CTNNA2: variants seen among roughly 807,000 people sequenced by gnomAD.
The protein encoded by CTNNA2 is catenin alpha-2.
In CTNNA2, 42 loss-of-function variants were observed where a neutral mutation model predicts 101.0. The ratio of observed to expected loss-of-function variants is 0.42; its 90% CI spans 0.32 to 0.54. CTNNA2 has a LOEUF of 0.54. CTNNA2 is among the 20% of genes least tolerant of loss of function. The probability of loss-of-function intolerance (pLI) is 0.14; values close to 1 mark genes in which losing one functional copy is unlikely to be tolerated. For synonymous variants in CTNNA2, 450 were observed against 456.4 expected (o/e 0.99, Z 0.18); for missense variants, 871 against 1,223.1 (o/e 0.71, Z 4.29).
intron 7 of CTNNA2, among the ~76,000 whole-genome samples, chr2:80,081,573 G>C (rs1432472467): frequency 7.3e-6 from 1 of 137,730 alleles, no homozygotes; most frequent in South Asian, 2.4e-4. Flanking sequence ...ATGAACTTCA[G>C]CTTTGCAAAA....
intron 2 of CTNNA2, among the ~76,000 whole-genome samples, chr2:79,211,173 C>T (rs894107865): frequency 6.6e-6 from 1 of 152,148 alleles, no homozygotes; most frequent in Non-Finnish European, 1.5e-5. Context: ...TAAATCTTAC[C>T]TTTCACACTC....
At chr2:79,785,954 G>C (rs2105225249) in intron 3 of CTNNA2, among the ~76,000 whole-genome samples, 1 of 152,256 alleles carries the variant, frequency 6.6e-6, no homozygotes, top group East Asian at 1.9e-4. Flanking sequence ...CTAACAAAAG[G>C]GAAAACTCAG....
At chr2:79,941,992 A>G (rs1190332963) in intron 7 of CTNNA2, among the ~76,000 whole-genome samples, 3 of 152,206 alleles carry the variant, frequency 2.0e-5, no homozygotes, top group African/African-American at 7.2e-5. Context: ...ATTGTAATTA[A>G]TTATAATAAT....
chr2:79,618,597 A>T (rs954833330), intron 1 of CTNNA2, among the ~76,000 whole-genome samples: 9 of 152,004 alleles, frequency 5.9e-5, no homozygotes, highest in African/African-American at 2.2e-4. Flanking sequence ...CCCTCAGTGG[A>T]TTCCCCAACT....
At chr2:80,480,705 G>T (rs1196350043) in intron 9 of CTNNA2, among the ~76,000 whole-genome samples, 2 of 152,128 alleles carry the variant, frequency 1.3e-5, no homozygotes, top group South Asian at 2.1e-4. Context: ...GGAGGTAGAA[G>T]TCTGAGCTTC....
chr2:80,368,612 T>G (rs1296199076), intron 7 of CTNNA2, among the ~76,000 whole-genome samples: 1 of 152,034 alleles, frequency 6.6e-6, no homozygotes, highest in Non-Finnish European at 1.5e-5. Context: ...ATCTATTTTG[T>G]GCACAGATTT....
intron 6 of CTNNA2, among the ~76,000 whole-genome samples, chr2:79,883,105 G>A (rs565724321): frequency 4.6e-5 from 7 of 152,246 alleles, no homozygotes; most frequent in South Asian, 2.1e-4. Context: ...GGGAGCCTCC[G>A]ATCGCCTCTG....
At chr2:79,660,375 A>ATG (rs1558812465) in intron 2 of CTNNA2, among the ~76,000 whole-genome samples, 1 of 151,268 alleles carries the variant, frequency 6.6e-6, no homozygotes, top group African/African-American at 2.4e-5. Flanking sequence ...ACATACACAT[A>ATG]TATAGTATAC....
chr2:80,571,949 C>T (rs954726007), intron 12 of CTNNA2, among the ~76,000 whole-genome samples: 1 of 152,078 alleles, frequency 6.6e-6, no homozygotes. Context: ...TATAGAGACA[C>T]AAAAACATTT....
chr2:79,754,181 T>G (rs1243628773), intron 3 of CTNNA2, among the ~76,000 whole-genome samples: 3 of 152,158 alleles, frequency 2.0e-5, no homozygotes, highest in Non-Finnish European at 4.4e-5. Context: ...TATTTCATTT[T>G]TATTCAATCG....
chr2:79,592,734 G>C (rs1269688643), intron 1 of CTNNA2, among the ~76,000 whole-genome samples: 1 of 152,102 alleles, frequency 6.6e-6, no homozygotes, highest in Admixed American at 6.5e-5. Context: ...TTTCTACAGT[G>C]CCCAGTCCTC....
At chr2:80,569,633 G>GTTTTTTGTTTT (rs1553392642) in intron 12 of CTNNA2, among the ~76,000 whole-genome samples, 1 of 51,718 alleles carries the variant, frequency 1.9e-5, no homozygotes, top group African/African-American at 6.1e-5. Flanking sequence ...GGGTATTTAG[G>GTTTTTTGTTTT]TTTTTTTTTT....
chr2:79,290,711 C>T (rs973723260), intron 2 of CTNNA2, among the ~76,000 whole-genome samples: 7 of 152,242 alleles, frequency 4.6e-5, no homozygotes, highest in South Asian at 2.1e-4. Context: ...TGGGGAGTCC[C>T]GACTCCAGGG....
chr2:79,541,650 C>T (rs1374501708), intron 1 of CTNNA2, among the ~76,000 whole-genome samples: 1 of 147,704 alleles, frequency 6.8e-6, no homozygotes, highest in Non-Finnish European at 1.5e-5. Context: ...TTTTTTGAGA[C>T]AGAGTCTCTC....
intron 7 of CTNNA2, among the ~76,000 whole-genome samples, chr2:79,964,858 C>T (rs1026442535): frequency 6.6e-5 from 10 of 152,258 alleles, no homozygotes; most frequent in South Asian, 2.1e-4. Flanking sequence ...CATGATAACC[C>T]AGGGATCCCC....
chr2:79,446,877 C>T (rs1678839056), intron 4 of CTNNA2, among the ~76,000 whole-genome samples: 3 of 151,970 alleles, frequency 2.0e-5, no homozygotes, highest in Admixed American at 2.0e-4. Context: ...GTTTGGTTTC[C>T]TCTAATCTCC....
intron 7 of CTNNA2, among the ~76,000 whole-genome samples, chr2:79,941,038 G>A (rs1447285363): frequency 1.3e-5 from 2 of 152,156 alleles, no homozygotes; most frequent in African/African-American, 4.8e-5. Flanking sequence ...AGCCTACTGA[G>A]GGACTGGTAG....
At chr2:80,316,739 C>A (rs1311697061) in intron 7 of CTNNA2, among the ~76,000 whole-genome samples, 1 of 152,142 alleles carries the variant, frequency 6.6e-6, no homozygotes, top group Admixed American at 6.5e-5. Flanking sequence ...ACTATATATG[C>A]TTTGAGGTCC....
At chr2:79,966,362 A>G (rs1178478476) in intron 7 of CTNNA2, among the ~76,000 whole-genome samples, 1 of 152,084 alleles carries the variant, frequency 6.6e-6, no homozygotes, top group African/African-American at 2.4e-5. Flanking sequence ...CAGCCTCTCA[A>G]GTAGCTGGGA....
Sources: gnomAD v4.1 joint callset for allele counts (sites outside exome capture counted in the v4.1 genomes callset) on GRCh38, gnomAD v4.1.1 for gene constraint, MANE v1.5 for transcripts, NCBI Gene and HGNC (gene_info 2026-07-23, HGNC 2026-07-21) for gene names.